The following TLE4 variants were observed in gnomAD, a reference collection of about 807,000 sequenced individuals.
The protein encoded by TLE4 is TLE family member 4, transcriptional corepressor.
A neutral mutation model predicts 92.8 loss-of-function variants in TLE4; 8 were observed. That is an observed-to-expected ratio of 0.09 (90% CI 0.05 to 0.16). The LOEUF (loss-of-function observed/expected upper bound fraction) is 0.16, where lower values mean the gene tolerates loss of function less well. Ranked by LOEUF, TLE4 falls within the 10% of genes least tolerant of loss-of-function variation. TLE4 has a pLI of 1.00. For missense variants in TLE4, 675 were observed against 997.6 expected (o/e 0.68, Z 4.36); for synonymous variants, 371 against 374.1 (o/e 0.99, Z 0.10).
At chr9:79,683,237 A>G (rs1016144175) in intron 8 of TLE4, among the ~76,000 whole-genome samples, 1 of 152,070 alleles carries the variant, frequency 6.6e-6, no homozygotes, top group South Asian at 2.1e-4. Context: ...CTCCATTCCT[A>G]TTCTCCTTTG....
chr9:79,691,194 C>G (rs2135528090), intron 8 of TLE4, among the ~76,000 whole-genome samples: 1 of 152,238 alleles, frequency 6.6e-6, no homozygotes, highest in South Asian at 2.1e-4. Flanking sequence ...CATTTCTCCT[C>G]CAAGGCTCTG....
intron 8 of TLE4, among the ~76,000 whole-genome samples, chr9:79,679,629 C>T (rs2064043067): frequency 6.6e-6 from 1 of 152,150 alleles, no homozygotes; most frequent in African/African-American, 2.4e-5. Flanking sequence ...AATTAGATCC[C>T]ATTTGTCAAT....
At chr9:79,587,380 T>C (rs1350523175) in intron 4 of TLE4, among the ~76,000 whole-genome samples, 1 of 152,224 alleles carries the variant, frequency 6.6e-6, no homozygotes, top group Non-Finnish European at 1.5e-5. Flanking sequence ...GAGCTGCTGA[T>C]TGGCATTTTT....
chr9:79,589,887 T>C (rs1477228358), intron 4 of TLE4, among the ~76,000 whole-genome samples: 1 of 152,212 alleles, frequency 6.6e-6, no homozygotes, highest in Non-Finnish European at 1.5e-5. Flanking sequence ...TAGGGCAAAG[T>C]ACATTATATT....
intron 14 of TLE4, among the ~76,000 whole-genome samples, chr9:79,713,908 C>T (rs1201088022): frequency 2.6e-5 from 4 of 151,958 alleles, no homozygotes; most frequent in South Asian, 2.1e-4. Context: ...CTGTCACCCA[C>T]GCTGGAGTGT....
intron 5 of TLE4, among the ~76,000 whole-genome samples, chr9:79,614,887 G>A (rs898552600): frequency 6.6e-6 from 1 of 152,104 alleles, no homozygotes; most frequent in African/African-American, 2.4e-5. Flanking sequence ...TCTTCTTCCA[G>A]TGTGGCCCAG....
chr9:79,697,790 A>G (rs1324233724), intron 8 of TLE4, among the ~76,000 whole-genome samples: 6 of 152,208 alleles, frequency 3.9e-5, no homozygotes. Flanking sequence ...GAATGAATTA[A>G]TATTGAAGTG....
intron 3 of TLE4, 123 bp from the exon 4 acceptor site, chr9:79,576,010 A>G: frequency 5.6e-6 from 3 of 535,582 alleles, no homozygotes; most frequent in Non-Finnish European, 9.4e-6. Flanking sequence ...CATAGGTTAT[A>G]TGAAGATACT....
intron 8 of TLE4, 109 bp downstream of exon 8, chr9:79,654,184 G>A (rs1477864393): frequency 3.5e-6 from 4 of 1,132,702 alleles, no homozygotes; most frequent in Non-Finnish European, 5.2e-6. Flanking sequence ...TCATTGGTTA[G>A]TAGTGGTTAA....
intron 6 of TLE4, among the ~76,000 whole-genome samples, chr9:79,630,237 C>T (rs140612898): frequency 5.9e-5 from 9 of 152,254 alleles, no homozygotes; most frequent in East Asian, 3.9e-4. Flanking sequence ...ATGAGCCAAA[C>T]GAGTGATCCA....
chr9:79,648,550 A>G (rs1436026595), intron 6 of TLE4, among the ~76,000 whole-genome samples: 2 of 152,108 alleles, frequency 1.3e-5, no homozygotes, highest in Admixed American at 6.6e-5. Flanking sequence ...GCAGAAGGAT[A>G]TGAATTTAGG....
intron 4 of TLE4, among the ~76,000 whole-genome samples, chr9:79,591,218 C>G (rs1246973536): frequency 6.6e-6 from 1 of 152,116 alleles, no homozygotes; most frequent in Non-Finnish European, 1.5e-5. Context: ...GGGGGTCTTT[C>G]TGGCTCCTTG....
chr9:79,704,502 AC>A (rs1387787745), intron 8 of TLE4: 2 of 426,362 alleles, frequency 4.7e-6, no homozygotes, highest in African/African-American at 4.1e-5. Flanking sequence ...AATTCCTGCC[AC>A]CCTTTTTATT....
intron 14 of TLE4, among the ~76,000 whole-genome samples, chr9:79,712,427 A>G (rs373437460): frequency 3.3e-5 from 5 of 152,210 alleles, no homozygotes; most frequent in South Asian, 2.1e-4. Context: ...GAATTGTGCA[A>G]TGTTGTCTTG....
chr9:79,600,875 C>T (rs1427920426), intron 4 of TLE4, among the ~76,000 whole-genome samples: 1 of 152,164 alleles, frequency 6.6e-6, no homozygotes, highest in Non-Finnish European at 1.5e-5. Context: ...CCTTTTACTT[C>T]CTGTGGACCT....
rs573828913 is a variant in TLE4, at chr9:79,722,336, A to C, written c.1987-115A>C. 6.2e-5 allele frequency: 80 copies of C among 1,298,898 alleles called. No homozygotes were observed. In the African/African-American group the frequency reaches 1.1e-3, roughly 17 times the overall value. 80.5% of individuals were successfully genotyped at this position (1,298,898 alleles called of 1,614,324 possible). On this transcript the variant is annotated intron_variant, in intron 17 of 19. Coordinates refer to ENST00000376552, the MANE Select transcript of TLE4 (RefSeq NM_007005.6). ...CTTTGGTTCTCCCCTGTACAATTCA[A>C]ATTATCTTGATTTTCTTCATAATTT...
At chr9:79,702,593 G>A (rs962961504) in intron 8 of TLE4, among the ~76,000 whole-genome samples, 1 of 152,200 alleles carries the variant, frequency 6.6e-6, no homozygotes, top group African/African-American at 2.4e-5. Flanking sequence ...GTAATGTTTT[G>A]TGTCAATCTT....
At chr9:79,668,343 A>T in intron 8 of TLE4, among the ~76,000 whole-genome samples, 1 of 152,224 alleles carries the variant, frequency 6.6e-6, no homozygotes, top group East Asian at 1.9e-4. Context: ...GTGAGATGCC[A>T]GGAGGGCTTG....
chr9:79,717,982 T>A (rs774998601), intron 14 of TLE4: 1 of 456,626 alleles, frequency 2.2e-6, no homozygotes, highest in Non-Finnish European at 4.4e-6. Context: ...CGCTCTTACT[T>A]AAGTTGCATT....
Sources: gnomAD v4.1 joint callset for allele counts (sites outside exome capture counted in the v4.1 genomes callset) on GRCh38, gnomAD v4.1.1 for gene constraint, MANE v1.5 for transcripts, NCBI Gene and HGNC (gene_info 2026-07-23, HGNC 2026-07-21) for gene names.